The following FOXK1 variants were observed in gnomAD, a reference collection of about 807,000 sequenced individuals.
The protein encoded by FOXK1 is forkhead box K1, also known as forkhead box protein K1.
Under a neutral mutation model 51.9 loss-of-function variants are expected in FOXK1, and 19 were observed. The observed-to-expected ratio is 0.37, with a 90% CI of 0.26 to 0.54. FOXK1 has a LOEUF of 0.54. Ranked by LOEUF, FOXK1 falls within the 20% of genes least tolerant of loss-of-function variation. FOXK1 has a pLI of 0.87. For synonymous variants in FOXK1, 537 were observed against 482.6 expected (o/e 1.11, Z -1.48); for missense variants, 870 against 1,032.7 (o/e 0.84, Z 2.16).
At position 4,762,607 on chromosome 7, in the gene FOXK1, C is replaced by T; in HGVS notation, c.*143C>T. The T allele has an allele frequency of 1.3e-6, 1 of 740,800 alleles. No individual in the cohort carries two copies. The highest frequency in any genetic ancestry group is 2.1e-6 in the Non-Finnish European group (1 of 466,392). The allele number at this position is 740,800 out of a possible 1,614,324, so 45.9% of individuals were successfully genotyped here. A position where few individuals can be genotyped will look rare whatever the true frequency, so the allele number is the denominator to read the frequency against. On this transcript the variant is annotated 3_prime_UTR_variant, in exon 9 of 9. Transcript: ENST00000328914. The surrounding 1 kb of genome is among the most constrained non-coding windows in gnomAD (Gnocchi z 5.7). ...ATCGGCGGCACCTGGACACACCCAG[C>T]CCTTTCCATTTGATCGCCTGCCTTC...
At position 4,755,526 on chromosome 7, in the gene FOXK1, G is replaced by A. The variant is rs1051092702; in HGVS notation, c.1050+143G>A. 1.7e-6 allele frequency: 2 copies of A among 1,167,714 alleles called. No homozygotes were observed. Among genetic ancestry groups the A allele is most frequent in the South Asian group, 1.5e-5 (1 of 64,916 alleles). 72.3% of individuals were successfully genotyped at this position (1,167,714 alleles called of 1,614,324 possible). ...CCTAGCATTTTGTGAGGCCGAGGCA[G>A]GAGGAGGATCAAGACCAGCCTGTGC... On this transcript the variant is annotated intron_variant, in intron 4 of 8. Coordinates refer to ENST00000328914, the MANE Select transcript of FOXK1 (RefSeq NM_001037165.2). The surrounding 1 kb of genome is among the most constrained non-coding windows in gnomAD (Gnocchi z 6.6).
rs188416021 is a variant in FOXK1, at chr7:4,755,502, C to T, written c.1050+119C>T. The T allele has an allele frequency of 2.2e-6, 3 of 1,392,454 alleles. No homozygotes were observed. The African/African-American group carries it at 4.3e-5, about 20-fold the overall frequency. The allele number at this position is 1,392,454 out of a possible 1,614,324, so 86.3% of individuals were successfully genotyped here. A position where few individuals can be genotyped will look rare whatever the true frequency, so the allele number is the denominator to read the frequency against. On this transcript the variant is annotated intron_variant, in intron 4 of 8. Coordinates refer to ENST00000328914, the MANE Select transcript of FOXK1 (RefSeq NM_001037165.2). The surrounding 1 kb of genome is among the most constrained non-coding windows in gnomAD (Gnocchi z 6.6). ...AGTGAGGGGGCTCACGCCTGGAACC[C>T]TAGCATTTTGTGAGGCCGAGGCAGG...
chr7:4,766,508 T>G lies in FOXK1; in HGVS notation c.*4044T>G, dbSNP rs933252068. 4 of 151,880 alleles carry G rather than the reference T, an allele frequency of 2.6e-5. No individual in the cohort carries two copies. Among genetic ancestry groups the G allele is most frequent in the African/African-American group, 7.3e-5 (3 of 41,144 alleles). The allele number at this position is 151,880 out of a possible 1,614,324, so 9.4% of individuals were successfully genotyped here. A position where few individuals can be genotyped will look rare whatever the true frequency, so the allele number is the denominator to read the frequency against. On this transcript the variant is annotated 3_prime_UTR_variant, in exon 9 of 9. Transcript: ENST00000328914. This position sits in a 1 kb window ranked among gnomAD's most constrained non-coding sequence, Gnocchi z 5.5. ...GATTTGCTGTTTATTTGTATCTCCC[T>G]TTTCTTTGATTTAAGAACAATGCCA...
intron 1 of FOXK1, among the ~76,000 whole-genome samples, chr7:4,739,235 C>G (rs551417057): frequency 3.3e-5 from 5 of 152,274 alleles, no homozygotes; most frequent in Non-Finnish European, 7.4e-5. Context: ...GTACTTTGCC[C>G]GTCCTGAATG....
Position 4,770,524 on chromosome 7 carries a change from C to G in FOXK1, c.*8060C>G, listed in dbSNP as rs1232312738. 1 of 152,146 alleles carries G rather than the reference C, an allele frequency of 6.6e-6. No homozygotes were observed. The highest frequency in any genetic ancestry group is 1.9e-4 in the East Asian group (1 of 5,182). 9.4% of individuals were successfully genotyped at this position (152,146 alleles called of 1,614,324 possible). A position where few individuals can be genotyped will look rare whatever the true frequency, so the allele number is the denominator to read the frequency against. ...CCAGCCTGGGCAACAGAGGGAGACT[C>G]TGTCTCAAAAATAATAATCAAATCA... On this transcript the variant is annotated 3_prime_UTR_variant, in exon 9 of 9. Coordinates refer to ENST00000328914, the MANE Select transcript of FOXK1 (RefSeq NM_001037165.2).
chr7:4,723,093 C>T lies in FOXK1; in HGVS notation c.561-17745C>T, dbSNP rs1051339698. On this transcript the variant is annotated intron_variant, in intron 1 of 8. Coordinates refer to ENST00000328914, the MANE Select transcript of FOXK1 (RefSeq NM_001037165.2). This position sits in a 1 kb window ranked among gnomAD's most constrained non-coding sequence, Gnocchi z 4.7. ...AAACCCGTCTTCCCAAGCCTGTTGACGATGATGGTAACGGCACCGTGCTCA... is the reference window on the plus strand; with the variant it reads ...AAACCCGTCTTCCCAAGCCTGTTGATGATGATGGTAACGGCACCGTGCTCA... Among the ~76,000 whole-genome samples, 1 of 151,922 alleles carries T rather than the reference C, an allele frequency of 6.6e-6. No homozygotes were observed. Among genetic ancestry groups the T allele is most frequent in the Non-Finnish European group, 1.5e-5 (1 of 68,018 alleles).
At chr7:4,750,735 A>T (rs1372857223) in intron 2 of FOXK1, among the ~76,000 whole-genome samples, 2 of 141,512 alleles carry the variant, frequency 1.4e-5, no homozygotes, top group African/African-American at 5.4e-5. Context: ...ACAGAGTTTC[A>T]CTCTTGTTGT....
chr7:4,730,947 C>A lies in FOXK1; in HGVS notation c.561-9891C>A, dbSNP rs147248936. 6.6e-6 allele frequency among the ~76,000 whole-genome samples: 1 copy of A among 151,728 alleles called. No homozygotes were observed. On this transcript the variant is annotated intron_variant, in intron 1 of 8. Transcript: ENST00000328914. The surrounding 1 kb of genome is among the most constrained non-coding windows in gnomAD (Gnocchi z 4.7). ...TTTGGGAGGCCGAGGCAGGAGGATC[C>A]CTTGAGGCCAGGAGTTGGAGACTAG...
rs149361113 is a variant in FOXK1, at chr7:4,733,775, C to G, written c.561-7063C>G. Among the ~76,000 whole-genome samples the G allele has an allele frequency of 2.0e-3, 308 of 152,346 alleles. 4 individuals are homozygous for G. The highest frequency in any genetic ancestry group is 7.0e-3 in the African/African-American group (291 of 41,590). On this transcript the variant is annotated intron_variant, in intron 1 of 8. Transcript: ENST00000328914. The surrounding 1 kb of genome is among the most constrained non-coding windows in gnomAD (Gnocchi z 5.0). ...CCTTGCTCTTGGGTCTGCTGTTTCT[C>G]TCACGGGAGAGGCTGCTCTGAGGTC...
chr7:4,742,471 C>T (rs1361056475), intron 2 of FOXK1, among the ~76,000 whole-genome samples: 1 of 152,172 alleles, frequency 6.6e-6, no homozygotes, highest in East Asian at 1.9e-4. Context: ...GGCTAGAGTG[C>T]AGTGGCGCAA....
At chr7:4,706,854 C>G (rs569730178) in intron 1 of FOXK1, among the ~76,000 whole-genome samples, 53 of 152,156 alleles carry the variant, frequency 3.5e-4, no homozygotes, top group African/African-American at 1.3e-3. Flanking sequence ...ACCCCCAATG[C>G]CCCTGTAGCC....
At chr7:4,738,265 C>T (rs191286940) in intron 1 of FOXK1, among the ~76,000 whole-genome samples, 1,801 of 150,800 alleles carry the variant, frequency 0.012, 101 homozygotes, top group Admixed American at 0.099. Flanking sequence ...GGTGAAACCC[C>T]ATCTCTACTA....
intron 1 of FOXK1, among the ~76,000 whole-genome samples, chr7:4,727,459 G>T (rs1347248076): frequency 6.6e-6 from 1 of 152,070 alleles, no homozygotes; most frequent in East Asian, 1.9e-4. Flanking sequence ...GGGATTACAG[G>T]CATGCAGCAC....
Position 4,765,814 on chromosome 7 carries a change from C to T in FOXK1, c.*3350C>T, listed in dbSNP as rs1322465020. The T allele has an allele frequency of 6.6e-6, 1 of 152,224 alleles. No homozygotes were observed. The highest frequency in any genetic ancestry group is 2.1e-4 in the South Asian group (1 of 4,830). The allele number at this position is 152,224 out of a possible 1,614,324, so 9.4% of individuals were successfully genotyped here. A position where few individuals can be genotyped will look rare whatever the true frequency, so the allele number is the denominator to read the frequency against. The stretch of plus-strand genomic sequence containing the variant: ...CCTGCTTTGGCTAGGAGGTAAGTCC[C>T]AAAAAGAACGTCTTAAGTAGAGCAA... On this transcript the variant is annotated 3_prime_UTR_variant, in exon 9 of 9. Transcript: ENST00000328914.
rs1337850035 is a variant in FOXK1, at chr7:4,743,835, G to A, written c.746+2812G>A. Among the ~76,000 whole-genome samples the A allele has an allele frequency of 6.6e-6, 1 of 152,158 alleles. No homozygotes were observed. The highest frequency in any genetic ancestry group is 2.4e-5 in the African/African-American group (1 of 41,426). ...GGCCAGCGCCCCCGCCTTAGCCTGGGAGTGGGTTATTAATCAGCAGGTTGT... is the reference window on the plus strand; with the variant it reads ...GGCCAGCGCCCCCGCCTTAGCCTGGAAGTGGGTTATTAATCAGCAGGTTGT... On this transcript the variant is annotated intron_variant, in intron 2 of 8. Coordinates refer to ENST00000328914, the MANE Select transcript of FOXK1 (RefSeq NM_001037165.2). The surrounding 1 kb of genome is among the most constrained non-coding windows in gnomAD (Gnocchi z 5.3).
At position 4,761,946 on chromosome 7, in the gene FOXK1, A is replaced by G. The variant is rs1044337646; in HGVS notation, c.1922-238A>G. ...AAGCCGTCGATGTCCAGCAGGATCT[A>G]GACAGCAATGAGAGGGGCCTCCACC... On this transcript the variant is annotated intron_variant, in intron 8 of 8. Coordinates refer to ENST00000328914, the MANE Select transcript of FOXK1 (RefSeq NM_001037165.2). This position sits in a 1 kb window ranked among gnomAD's most constrained non-coding sequence, Gnocchi z 6.2. Among the ~76,000 whole-genome samples, 40 of 152,150 alleles carry G rather than the reference A, an allele frequency of 2.6e-4. No individual in the cohort carries two copies. Among genetic ancestry groups the G allele is most frequent in the African/African-American group, 9.4e-4 (39 of 41,520 alleles).
chr7:4,702,437 G>C (rs1358997120), intron 1 of FOXK1, among the ~76,000 whole-genome samples: 1 of 152,124 alleles, frequency 6.6e-6, no homozygotes, highest in Non-Finnish European at 1.5e-5. Flanking sequence ...CTACCTCCCT[G>C]GTTCAAGTGA....
At chr7:4,690,029 G>T (rs1285480445) in intron 1 of FOXK1, among the ~76,000 whole-genome samples, 1 of 152,216 alleles carries the variant, frequency 6.6e-6, no homozygotes, top group African/African-American at 2.4e-5. Context: ...CCACGTGAAG[G>T]ATCAGCCTGC....
Position 4,762,816 on chromosome 7 carries a change from C to CTCT in FOXK1, c.*352_*353insTCT, listed in dbSNP as rs1562393571. 38 of 240,076 alleles carry CTCT rather than the reference C, an allele frequency of 1.6e-4. No homozygotes were observed. Among genetic ancestry groups the CTCT allele is most frequent in the Middle Eastern group, 3.0e-3 (2 of 658 alleles). 14.9% of individuals were successfully genotyped at this position (240,076 alleles called of 1,614,324 possible). On this transcript the variant is annotated 3_prime_UTR_variant, in exon 9 of 9. Transcript: ENST00000328914. The surrounding 1 kb of genome is among the most constrained non-coding windows in gnomAD (Gnocchi z 5.7). ...ATGTGTCAAGACAGCCCCTCCGCTC[C>CTCT]GCGCTGCACGGCCAGCCGCCTTTGT...
Sources: gnomAD v4.1 joint callset for allele counts (sites outside exome capture counted in the v4.1 genomes callset) on GRCh38, gnomAD v4.1.1 for gene constraint, Gnocchi (gnomAD v3.1) non-coding constraint, MANE v1.5 for transcripts, NCBI Gene and HGNC (gene_info 2026-07-23, HGNC 2026-07-21) for gene names.